ZIM2: variants seen among roughly 807,000 people sequenced by gnomAD.
ZIM2 encodes the protein zinc finger imprinted 2.
ZIM2 carries 14 observed loss-of-function variants against 38.6 expected under a neutral mutation model. The observed-to-expected ratio is 0.36, with a 90% CI of 0.24 to 0.57. The LOEUF (loss-of-function observed/expected upper bound fraction) is 0.57, where lower values mean the gene tolerates loss of function less well. Among genes scored for constraint, ZIM2 ranks in the 20% least tolerant of loss-of-function variants. The pLI is 0.81. For synonymous variants in ZIM2, 247 were observed against 245.8 expected (o/e 1.00, Z -0.04); for missense variants, 680 against 695.1 (o/e 0.98, Z 0.24).
rs759967828 is a variant in ZIM2, at chr19:56,823,697, G to A, written c.17-18C>T. ...GTTGTCGTCTAAGAGGACACCGGTC[G>A]CCAAGTTACTATCTCTGGCCCACAT... On this transcript the variant is annotated intron_variant, in intron 4 of 12. Coordinates refer to ENST00000629319, the MANE Select transcript of ZIM2 (RefSeq NM_001387356.1). The A allele has an allele frequency of 1.2e-5, 19 of 1,613,806 alleles. No homozygotes were observed. The highest frequency in any genetic ancestry group is 2.2e-5 in the South Asian group (2 of 91,080).
At chr19:56,807,306 G>A (rs11671362) in intron 9 of ZIM2, among the ~76,000 whole-genome samples, 34,540 of 152,048 alleles carry the variant, frequency 0.23, 4,026 homozygotes, top group Non-Finnish European at 0.25. Context: ...CCCTTTATGC[G>A]CTTCCTCATG....
intron 10 of ZIM2, among the ~76,000 whole-genome samples, chr19:56,783,222 T>C (rs778739189): frequency 5.9e-5 from 9 of 152,278 alleles, no homozygotes; most frequent in Admixed American, 2.6e-4. Flanking sequence ...TACAATGAAA[T>C]AGTATTCTAG....
At chr19:56,837,429 C>T (rs2062278421) in intron 1 of ZIM2, among the ~76,000 whole-genome samples, 1 of 152,228 alleles carries the variant, frequency 6.6e-6, no homozygotes, top group African/African-American at 2.4e-5. Flanking sequence ...CAGCCCACTT[C>T]CTCCATTTTC....
chr19:56,829,166 C>T (rs1049753086), intron 2 of ZIM2, among the ~76,000 whole-genome samples: 9 of 152,008 alleles, frequency 5.9e-5, no homozygotes, highest in Admixed American at 3.9e-4. Context: ...GCCTGGCCAA[C>T]GTGGTGAAAC....
At chr19:56,811,099 ATTT>A in intron 9 of ZIM2, 1 of 983,402 alleles carries the variant, frequency 1.0e-6, no homozygotes, top group Non-Finnish European at 1.2e-6. Flanking sequence ...TGGGGATATG[ATTT>A]TTTTTCCTCC....
chr19:56,826,371 C>G lies in ZIM2; in HGVS notation c.-151+17G>C, dbSNP rs2061035212. 1.3e-5 allele frequency: 2 copies of G among 152,228 alleles called. No individual in the cohort carries two copies. Among genetic ancestry groups the G allele is most frequent in the South Asian group, 4.1e-4 (2 of 4,830 alleles). The allele number at this position is 152,228 out of a possible 1,614,324, so 9.4% of individuals were successfully genotyped here. A position where few individuals can be genotyped will look rare whatever the true frequency, so the allele number is the denominator to read the frequency against. ...CCTCATCCTCAGGCAACAAGATACCCTCAGATATGTAATCACCTGTCTGGG... is the reference window on the plus strand; with the variant it reads ...CCTCATCCTCAGGCAACAAGATACCGTCAGATATGTAATCACCTGTCTGGG... On this transcript the variant is annotated intron_variant, in intron 3 of 12. Transcript: ENST00000629319.
At chr19:56,824,719 T>C (rs2146370137) in intron 3 of ZIM2, 1 of 1,474,512 alleles carries the variant, frequency 6.8e-7, no homozygotes, top group East Asian at 2.3e-5. Flanking sequence ...CGCGGCAGCC[T>C]GTGACCGTCA....
chr19:56,816,267 A>G (rs1192983698), intron 9 of ZIM2: 2 of 1,613,748 alleles, frequency 1.2e-6, no homozygotes, highest in South Asian at 1.1e-5. Context: ...TGAATGGCCC[A>G]CTATGAATGA....
rs146733496 is a variant in ZIM2, at chr19:56,811,311, G to A, written c.490+6435C>T. ...ATATATATTTTTAAACAGTTATAATGAACTGTTTAAATGAACTGTTAAATG... is the reference window on the plus strand; with the variant it reads ...ATATATATTTTTAAACAGTTATAATAAACTGTTTAAATGAACTGTTAAATG... On this transcript the variant is annotated intron_variant, in intron 9 of 12. Coordinates refer to ENST00000629319, the MANE Select transcript of ZIM2 (RefSeq NM_001387356.1). 1.4e-4 allele frequency: 126 copies of A among 901,402 alleles called. 1 individual carries two copies. In the East Asian group the frequency reaches 0.013, roughly 94 times the overall value. The allele number at this position is 901,402 out of a possible 1,614,324, so 55.8% of individuals were successfully genotyped here.
chr19:56,824,738 G>A, intron 3 of ZIM2: 2 of 1,330,596 alleles, frequency 1.5e-6, no homozygotes, highest in East Asian at 2.3e-5. Context: ...CAGTACTCAG[G>A]GACCTGTGGA....
chr19:56,811,298 A>G (rs2059525326), intron 9 of ZIM2: 1 of 916,234 alleles, frequency 1.1e-6, no homozygotes. Flanking sequence ...ATATATTTTT[A>G]AACAGTTATA....
intron 9 of ZIM2, chr19:56,811,190 G>T: frequency 1.0e-6 from 1 of 973,088 alleles, no homozygotes; most frequent in Non-Finnish European, 1.2e-6. Flanking sequence ...AAACTTTTTA[G>T]TAACACTACC....
intron 11 of ZIM2, among the ~76,000 whole-genome samples, chr19:56,781,008 C>G (rs1333065900): frequency 6.6e-6 from 1 of 152,162 alleles, no homozygotes; most frequent in Non-Finnish European, 1.5e-5. Flanking sequence ...TAGAAATGCT[C>G]CAGGTCACTG....
chr19:56,787,114 G>T (rs1011820632), intron 10 of ZIM2, among the ~76,000 whole-genome samples: 1 of 152,130 alleles, frequency 6.6e-6, no homozygotes, highest in African/African-American at 2.4e-5. Flanking sequence ...GGGGTTACAG[G>T]TATGAGCCAC....
At chr19:56,780,291 A>C (rs2046262385) in intron 11 of ZIM2, among the ~76,000 whole-genome samples, 1 of 140,302 alleles carries the variant, frequency 7.1e-6, no homozygotes, top group Non-Finnish European at 1.5e-5. Context: ...CTCCCAGGCT[A>C]GAGTGCAGTG....
Position 56,813,967 on chromosome 19 carries a change from T to C in ZIM2, c.490+3779A>G, listed in dbSNP as rs777815653. The C allele has an allele frequency of 7.4e-6, 12 of 1,613,990 alleles. No homozygotes were observed. In the South Asian group the frequency reaches 1.3e-4, roughly 18 times the overall value. On this transcript the variant is annotated intron_variant, in intron 9 of 12. Transcript: ENST00000629319. ...TACCTGAATCTCTTGATCTTCACCT[T>C]CTTCTGGGTCTTCAATTCCCACACC...
At chr19:56,830,443 G>A (rs1445084007) in intron 2 of ZIM2, among the ~76,000 whole-genome samples, 1 of 152,154 alleles carries the variant, frequency 6.6e-6, no homozygotes, top group Non-Finnish European at 1.5e-5. Context: ...AAAAGCAGGA[G>A]ACCATCTAAG....
intron 9 of ZIM2, chr19:56,813,803 C>A: frequency 6.2e-7 from 1 of 1,614,030 alleles, no homozygotes; most frequent in Non-Finnish European, 8.5e-7. Flanking sequence ...CTGGCACGTT[C>A]GATGTAGCCT....
intron 10 of ZIM2, among the ~76,000 whole-genome samples, chr19:56,787,403 G>A (rs938465754): frequency 2.6e-5 from 4 of 152,014 alleles, no homozygotes; most frequent in Non-Finnish European, 4.4e-5. Context: ...AGCCTCCCAA[G>A]TAGCTGGGAT....
Sources: gnomAD v4.1 joint callset for allele counts (sites outside exome capture counted in the v4.1 genomes callset) on GRCh38, gnomAD v4.1.1 for gene constraint, MANE v1.5 for transcripts, NCBI Gene and HGNC (gene_info 2026-07-23, HGNC 2026-07-21) for gene names.